Variants in RPS13 observed in about 807,000 individuals in gnomAD.
The protein encoded by RPS13 is ribosomal protein S13, also known as small ribosomal subunit protein uS15.
In RPS13, 1 loss-of-function variant was observed where a neutral mutation model predicts 24.6. The ratio of observed to expected loss-of-function variants is 0.04; its 90% CI spans 0.01 to 0.19. The LOEUF (loss-of-function observed/expected upper bound fraction) is 0.19, where lower values mean the gene tolerates loss of function less well. RPS13 is among the 10% of genes least tolerant of loss of function. The probability of loss-of-function intolerance (pLI) is 1.00; values close to 1 mark genes in which losing one functional copy is unlikely to be tolerated. For synonymous variants in RPS13, 69 were observed against 65.3 expected, an observed-to-expected ratio of 1.06 and a Z score of -0.27; for missense variants, 88 against 187.4, an observed-to-expected ratio of 0.47 and a Z score of 3.10.
At chr11:17,074,839 T>C in intron 5 of RPS13, 1 of 647,442 alleles carries the variant, frequency 1.5e-6, no homozygotes, top group East Asian at 2.9e-5. Context: ...GGCTTATTCA[T>C]GGTCTAAATC....
chr11:17,074,475 GA>G lies in RPS13; in HGVS notation c.423-10del. On this transcript the variant is annotated splice_polypyrimidine_tract_variant and intron_variant, in intron 5 of 5. Transcript: ENST00000525634. Reference sequence around the variant, plus strand: ...AGGCTGTAGATGATTCACTGAAAAAGAAAAAAGGGGAAAGAAAGAAAATCAG... The same window carrying G: ...AGGCTGTAGATGATTCACTGAAAAAGAAAAAGGGGAAAGAAAGAAAATCAG... The G allele has an allele frequency of 1.2e-6, 2 of 1,604,764 alleles. No homozygotes were observed. The highest frequency in any genetic ancestry group is 1.1e-5 in the South Asian group (1 of 90,088).
Position 17,077,450 on chromosome 11 carries a change from G to A in RPS13, c.51C>T (p.Pro17=), listed in dbSNP as rs781724344. The A allele has an allele frequency of 2.5e-6, 4 of 1,613,196 alleles. No homozygotes were observed. Among genetic ancestry groups the A allele is most frequent in the African/African-American group, 1.3e-5 (1 of 74,960 alleles). ...PGKGLSQSAL[P]YRRSVPTWLK... The stretch of plus-strand genomic sequence containing the variant: ...TTACAGTGGGGACGCTGCGTCGATA[G>A]GGTAAAGCCGACTGGGACAGGCCCT... Residue 17 remains proline (P), a synonymous_variant, in exon 2 of 6, where the codon CCC becomes CCT. Transcript: ENST00000525634.
At chr11:17,077,304 A>T (rs1054981435) in intron 2 of RPS13, 58 bp from the exon 3 acceptor site, 1 of 1,575,032 alleles carries the variant, frequency 6.3e-7, no homozygotes, top group African/African-American at 1.3e-5. Flanking sequence ...GCCGCAGAAC[A>T]GCGGTCTCTC....
Position 17,077,207 on chromosome 11 carries a change from A to C in RPS13, c.112T>G (p.Tyr38Asp). 6.2e-7 allele frequency: 1 copy of C among 1,613,988 alleles called. No individual in the cohort carries two copies. The highest frequency in any genetic ancestry group is 8.5e-7 in the Non-Finnish European group (1 of 1,179,924). The change falls in exon 3 of 6, where the codon TAC becomes GAC. Residue 38 changes from tyrosine to aspartate, a missense_variant. Coordinates refer to ENST00000525634, the MANE Select transcript of RPS13 (RefSeq NM_001017.3). ...GTAAGGCCCTTCTTGGCCAGTTTGT[A>C]AATCTGCTCCTTCACGTCGTCAGAT... Reference protein sequence around the residue: ...LTSDDVKEQIYKLAKKGLTPS... With the variant: ...LTSDDVKEQIDKLAKKGLTPS...
rs1847994856 is a variant in RPS13 at position 17,074,482 on chromosome 11, G to A, written c.423-16C>T. ...AGATGATTCACTGAAAAAGAAAAAAGGGGAAAGAAAGAAAATCAGGATTAA... is the reference window on the plus strand; with the variant it reads ...AGATGATTCACTGAAAAAGAAAAAAAGGGAAAGAAAGAAAATCAGGATTAA... On this transcript the variant is annotated splice_polypyrimidine_tract_variant and intron_variant, in intron 5 of 5. Coordinates refer to ENST00000525634, the MANE Select transcript of RPS13 (RefSeq NM_001017.3). The A allele has an allele frequency of 6.2e-7, 1 of 1,606,958 alleles. No homozygotes were observed. Among genetic ancestry groups the A allele is most frequent in the African/African-American group, 1.3e-5 (1 of 74,860 alleles).
At chr11:17,075,326 C>T in intron 4 of RPS13, 128 bp downstream of exon 4, 1 of 998,268 alleles carries the variant, frequency 1.0e-6, no homozygotes, top group East Asian at 2.4e-5. Context: ...AGAATTTGAA[C>T]TTCAAAGCAG....
At chr11:17,076,096 T>A (rs1454705565) in intron 3 of RPS13, 2 of 267,854 alleles carry the variant, frequency 7.5e-6, no homozygotes, top group African/African-American at 4.6e-5. Context: ...CTCCCCCTTT[T>A]AAGAGGTGGG....
rs368443285 is a variant in RPS13, at chr11:17,077,580, C to T, written c.23+39G>A. The T allele has an allele frequency of 4.9e-5, 27 of 549,176 alleles. No individual in the cohort carries two copies. The Middle Eastern group carries it at 9.4e-4, about 19-fold the overall frequency. 34.0% of individuals were successfully genotyped at this position (549,176 alleles called of 1,614,324 possible). The stretch of plus-strand genomic sequence containing the variant: ...GCCCACACTCCCTGTCTTCCTCCCA[C>T]CCCCCGCCCAGCAATCCGGCTTGAT... On this transcript the variant is annotated intron_variant, in intron 1 of 5. Transcript: ENST00000525634.
chr11:17,077,190 C>T lies in RPS13; in HGVS notation c.129G>A (p.Lys43=), dbSNP rs1357307187. Reference sequence around the variant, plus strand: ...CACCGATCTGTGAAGGAGTAAGGCCCTTCTTGGCCAGTTTGTAAATCTGCT... The same window carrying T: ...CACCGATCTGTGAAGGAGTAAGGCCTTTCTTGGCCAGTTTGTAAATCTGCT... ...VKEQIYKLAK[K]GLTPSQIGVI... The change falls in exon 3 of 6, where the codon AAG becomes AAA. Residue 43 remains lysine, a synonymous_variant. Transcript: ENST00000525634. The T allele has an allele frequency of 1.9e-6, 3 of 1,613,616 alleles. No individual in the cohort carries two copies. In the South Asian group the frequency reaches 3.3e-5, roughly 18 times the overall value.
intron 5 of RPS13, chr11:17,074,706 T>G (rs1393599620): frequency 1.4e-6 from 1 of 692,550 alleles, no homozygotes; most frequent in African/African-American, 1.8e-5. Context: ...ACATTTCTGG[T>G]GGAAACTGCG....
rs1210048123 is a variant in RPS13, at chr11:17,075,446, T to C, written c.321+8A>G. ...CTACTTAGCACCAGGTTTTATTTATTAGCTTACCTTTCTGTTCCTCTCAAG... is the reference window on the plus strand; with the variant it reads ...CTACTTAGCACCAGGTTTTATTTATCAGCTTACCTTTCTGTTCCTCTCAAG... On this transcript the variant is annotated splice_region_variant and intron_variant, in intron 4 of 5. Coordinates refer to ENST00000525634, the MANE Select transcript of RPS13 (RefSeq NM_001017.3). 3 of 1,545,426 alleles carry C rather than the reference T, an allele frequency of 1.9e-6. No homozygotes were observed. Among genetic ancestry groups the C allele is most frequent in the South Asian group, 2.5e-5 (2 of 79,268 alleles).
At chr11:17,074,539 T>C in intron 5 of RPS13, 73 bp from the exon 6 acceptor site, 1 of 1,113,152 alleles carries the variant, frequency 9.0e-7, no homozygotes, top group Non-Finnish European at 1.4e-6. Flanking sequence ...TAACAGAATC[T>C]CCCCACTAAT....
Position 17,074,481 on chromosome 11 carries a change from A to T in RPS13, c.423-15T>A. On this transcript the variant is annotated splice_polypyrimidine_tract_variant and intron_variant, in intron 5 of 5. Transcript: ENST00000525634. ...TAGATGATTCACTGAAAAAGAAAAA[A>T]GGGGAAAGAAAGAAAATCAGGATTA... 6.2e-7 allele frequency: 1 copy of T among 1,606,422 alleles called. No homozygotes were observed. Among genetic ancestry groups the T allele is most frequent in the Non-Finnish European group, 8.5e-7 (1 of 1,173,536 alleles).
chr11:17,075,626 G>A lies in RPS13; in HGVS notation c.152-3C>T, dbSNP rs373283813. 1.3e-6 allele frequency: 2 copies of A among 1,590,482 alleles called. No individual in the cohort carries two copies. The highest frequency in any genetic ancestry group is 1.7e-6 in the Non-Finnish European group (2 of 1,172,360). On this transcript the variant is annotated splice_polypyrimidine_tract_variant and splice_region_variant and intron_variant, in intron 3 of 5. Coordinates refer to ENST00000525634, the MANE Select transcript of RPS13 (RefSeq NM_001017.3). ...ATGTGAATCTCTCAGGATTACACCTGAAAAGGGAATCACGTTTTAACTTTC... is the reference window on the plus strand; with the variant it reads ...ATGTGAATCTCTCAGGATTACACCTAAAAAGGGAATCACGTTTTAACTTTC...
chr11:17,074,824 C>A lies in RPS13; in HGVS notation c.422+273G>T, dbSNP rs1205639202. ...ATCTACCTACTATCTAAAAGAGAGTCAAAGGGCTTATTCATGGTCTAAATC... is the reference window on the plus strand; with the variant it reads ...ATCTACCTACTATCTAAAAGAGAGTAAAAGGGCTTATTCATGGTCTAAATC... On this transcript the variant is annotated intron_variant, in intron 5 of 5. Transcript: ENST00000525634. 3 of 655,366 alleles carry A rather than the reference C, an allele frequency of 4.6e-6. No individual in the cohort carries two copies. In the Admixed American group the frequency reaches 6.4e-5, roughly 14 times the overall value. The allele number at this position is 655,366 out of a possible 1,614,324, so 40.6% of individuals were successfully genotyped here. A position where few individuals can be genotyped will look rare whatever the true frequency, so the allele number is the denominator to read the frequency against.
intron 3 of RPS13, 52 bp from the exon 4 acceptor site, chr11:17,075,675 T>C: frequency 2.1e-6 from 3 of 1,400,590 alleles, no homozygotes; most frequent in Non-Finnish European, 2.0e-6. Flanking sequence ...AACTGGAGAA[T>C]GTGATGATGT....
rs767202631 is a variant in RPS13 at position 17,077,656 on chromosome 11, G to C, written c.-15C>G. 6.2e-7 allele frequency: 1 copy of C among 1,613,020 alleles called. No homozygotes were observed. Among genetic ancestry groups the C allele is most frequent in the Non-Finnish European group, 8.5e-7 (1 of 1,179,930 alleles). ...ATGCGACCCATGATGGCGGCGATCA[G>C]GCAACGAAAGGAGAGCGAGAGTGGA... On this transcript the variant is annotated 5_prime_UTR_variant, in exon 1 of 6. Transcript: ENST00000525634.
At chr11:17,077,138 A>G (rs984968354) in intron 3 of RPS13, 30 bp downstream of exon 3, 26 of 1,545,984 alleles carry the variant, frequency 1.7e-5, no homozygotes, top group Middle Eastern at 1.7e-4. Context: ...AGGACAGGCG[A>G]AATAGGCTAT....
chr11:17,075,799 G>A (rs1277879724), intron 3 of RPS13, 176 bp from the exon 4 acceptor site: 2 of 694,144 alleles, frequency 2.9e-6, no homozygotes, highest in East Asian at 2.8e-5. Flanking sequence ...ATCCAAGGAA[G>A]GTTTACCCAA....
Sources: gnomAD v4.1 joint callset for allele counts on GRCh38, gnomAD v4.1.1 for gene constraint, MANE v1.5 for transcripts, NCBI Gene and HGNC (gene_info 2026-07-23, HGNC 2026-07-21) for gene names.